Variants in RFX3 observed in about 807,000 individuals in gnomAD.
RFX3 encodes regulatory factor X3.
Under a neutral mutation model 98.6 loss-of-function variants are expected in RFX3, and 14 were observed. That is an observed-to-expected ratio of 0.14 (90% CI 0.09 to 0.22). RFX3 has a LOEUF of 0.22. Ranked by LOEUF, RFX3 falls within the 10% of genes least tolerant of loss-of-function variation. The pLI is 1.00. For synonymous variants in RFX3, 383 were observed against 328.4 expected, an observed-to-expected ratio of 1.17 and a Z score of -1.80; for missense variants, 639 against 926.9, an observed-to-expected ratio of 0.69 and a Z score of 4.03.
At chr9:3,454,845 C>T (rs1847002932) in intron 1 of RFX3, among the ~76,000 whole-genome samples, 1 of 152,136 alleles carries the variant, frequency 6.6e-6, no homozygotes, top group Non-Finnish European at 1.5e-5. Context: ...AAACGTGGTA[C>T]AATTAAATCA....
chr9:3,297,018 A>G (rs185259286), intron 5 of RFX3, among the ~76,000 whole-genome samples: 1 of 152,240 alleles, frequency 6.6e-6, no homozygotes, highest in East Asian at 1.9e-4. Flanking sequence ...ATTAGGAAGC[A>G]TTACTTTGAC....
chr9:3,227,337 T>C (rs534366642), intron 16 of RFX3, among the ~76,000 whole-genome samples: 1 of 152,306 alleles, frequency 6.6e-6, no homozygotes, highest in East Asian at 1.9e-4. Context: ...CTTAGGTCTA[T>C]CTCTGGGTGA....
intron 1 of RFX3, among the ~76,000 whole-genome samples, chr9:3,411,601 G>C (rs1372824644): frequency 6.6e-6 from 1 of 151,032 alleles, no homozygotes; most frequent in Non-Finnish European, 1.5e-5. Flanking sequence ...CCAGCCTCCC[G>C]AGTAGCTGGG....
intron 1 of RFX3, among the ~76,000 whole-genome samples, chr9:3,414,524 T>C (rs1842727475): frequency 6.8e-6 from 1 of 148,074 alleles, no homozygotes; most frequent in Non-Finnish European, 1.5e-5. Flanking sequence ...TATATATATA[T>C]GTGTGTGTGT....
chr9:3,376,497 C>A (rs77942116), intron 2 of RFX3, among the ~76,000 whole-genome samples: 4 of 152,108 alleles, frequency 2.6e-5, no homozygotes, highest in East Asian at 3.8e-4. Context: ...CTCATACACA[C>A]AATAACATGG....
At chr9:3,325,622 T>A (rs1831821399) in intron 4 of RFX3, among the ~76,000 whole-genome samples, 1 of 152,002 alleles carries the variant, frequency 6.6e-6, no homozygotes, top group Admixed American at 6.6e-5. Context: ...CATAACCATC[T>A]AATTATAAGA....
chr9:3,348,861 A>G (rs1433825017), intron 2 of RFX3, among the ~76,000 whole-genome samples: 1 of 151,888 alleles, frequency 6.6e-6, no homozygotes, highest in Non-Finnish European at 1.5e-5. Flanking sequence ...ATCTTTCTTA[A>G]CTCTGCTACT....
At chr9:3,396,925 T>C (rs1469770138) in intron 1 of RFX3, among the ~76,000 whole-genome samples, 1 of 152,208 alleles carries the variant, frequency 6.6e-6, no homozygotes, top group Non-Finnish European at 1.5e-5. Flanking sequence ...CCAACTGATA[T>C]GCCCTAAACT....
chr9:3,451,160 C>G (rs920792275), intron 1 of RFX3, among the ~76,000 whole-genome samples: 1 of 152,154 alleles, frequency 6.6e-6, no homozygotes, highest in South Asian at 2.1e-4. Flanking sequence ...AAAGAGCTCT[C>G]AATGGCCAAA....
At chr9:3,446,405 C>G (rs565496936) in intron 1 of RFX3, among the ~76,000 whole-genome samples, 2 of 152,036 alleles carry the variant, frequency 1.3e-5, no homozygotes, top group African/African-American at 4.8e-5. Context: ...TAATTTGATG[C>G]AAGAATTAAT....
chr9:3,330,115 C>T, intron 4 of RFX3, 144 bp downstream of exon 4: 2 of 793,284 alleles, frequency 2.5e-6, no homozygotes, highest in East Asian at 2.7e-5. Flanking sequence ...ACATATACTA[C>T]ATTCTGCAAA....
chr9:3,279,784 G>C (rs1488246122), intron 7 of RFX3, among the ~76,000 whole-genome samples: 1 of 151,732 alleles, frequency 6.6e-6, no homozygotes, highest in African/African-American at 2.4e-5. Context: ...CTAATGAAAG[G>C]AGAGATTATA....
chr9:3,229,184 G>T (rs1818157966), intron 15 of RFX3, among the ~76,000 whole-genome samples: 1 of 152,088 alleles, frequency 6.6e-6, no homozygotes, highest in South Asian at 2.1e-4. Flanking sequence ...GAAGAAATAG[G>T]AGCCTGGATG....
Position 3,224,650 on chromosome 9 carries a change from A to G in RFX3, c.*392T>C, listed in dbSNP as rs1817573990. 6.0e-6 allele frequency: 1 copy of G among 166,668 alleles called. No homozygotes were observed. The highest frequency in any genetic ancestry group is 5.7e-5 in the Admixed American group (1 of 17,494). 10.3% of individuals were successfully genotyped at this position (166,668 alleles called of 1,614,324 possible). A position where few individuals can be genotyped will look rare whatever the true frequency, so the allele number is the denominator to read the frequency against. Reference sequence around the variant, plus strand: ...TAAATCAAAAAAATCATTTCTTTTGATATTTCACAGAAGTGCATCTAATTA... The same window carrying G: ...TAAATCAAAAAAATCATTTCTTTTGGTATTTCACAGAAGTGCATCTAATTA... On this transcript the variant is annotated 3_prime_UTR_variant, in exon 17 of 17. Coordinates refer to ENST00000617270, the MANE Select transcript of RFX3 (RefSeq NM_001282116.2).
chr9:3,256,925 C>A, intron 14 of RFX3, 66 bp downstream of exon 14: 1 of 1,426,566 alleles, frequency 7.0e-7, no homozygotes, highest in South Asian at 1.2e-5. Flanking sequence ...GAAGCATATA[C>A]AAACACATAC....
chr9:3,258,597 T>A (rs1822441259), intron 13 of RFX3, among the ~76,000 whole-genome samples: 1 of 152,036 alleles, frequency 6.6e-6, no homozygotes, highest in Non-Finnish European at 1.5e-5. Context: ...CATAAATCCA[T>A]TCAGATGTTA....
At chr9:3,467,103 T>C (rs1186129882) in intron 1 of RFX3, among the ~76,000 whole-genome samples, 3 of 143,532 alleles carry the variant, frequency 2.1e-5, no homozygotes, top group Non-Finnish European at 4.5e-5. Context: ...TATGTAAGTA[T>C]ATATGTATAT....
At chr9:3,386,801 T>C (rs1262988643) in intron 2 of RFX3, among the ~76,000 whole-genome samples, 1 of 152,178 alleles carries the variant, frequency 6.6e-6, no homozygotes, top group African/African-American at 2.4e-5. Context: ...AAAGGAAATG[T>C]AGTAGACAAG....
chr9:3,478,912 T>TC (rs377543125), intron 1 of RFX3, among the ~76,000 whole-genome samples: 49 of 152,214 alleles, frequency 3.2e-4, no homozygotes, highest in Admixed American at 2.2e-3. Context: ...AGCTTTTTCT[T>TC]CCCCCAACTG....
Sources: allele counts gnomAD v4.1 joint callset (sites outside exome capture counted in the v4.1 genomes callset), GRCh38; gene constraint gnomAD v4.1.1; transcripts MANE v1.5; gene names NCBI Gene and HGNC (gene_info 2026-07-23, HGNC 2026-07-21).